Variants in AKAP6 observed in about 807,000 individuals in gnomAD.
The protein encoded by AKAP6 is A-kinase anchoring protein 6.
A neutral mutation model predicts 188.5 loss-of-function variants in AKAP6; 58 were observed. The observed-to-expected ratio is 0.31, with a 90% CI of 0.25 to 0.38. The LOEUF (loss-of-function observed/expected upper bound fraction) is 0.38, where lower values mean the gene tolerates loss of function less well. AKAP6 is among the 10% of genes least tolerant of loss of function. The pLI is 1.00. For missense variants in AKAP6, 2,710 were observed against 2,740.0 expected (o/e 0.99, Z 0.24); for synonymous variants, 989 against 998.6 (o/e 0.99, Z 0.18).
intron 9 of AKAP6, among the ~76,000 whole-genome samples, chr14:32,722,049 G>T (rs565810012): frequency 6.6e-6 from 1 of 152,164 alleles, no homozygotes; most frequent in South Asian, 2.1e-4. Flanking sequence ...GAGGTCAGAT[G>T]GAACAAATTA....
chr14:32,542,722 C>T (rs12886609), intron 3 of AKAP6, among the ~76,000 whole-genome samples: 13,856 of 152,162 alleles, frequency 0.091, 708 homozygotes, highest in Admixed American at 0.16. Flanking sequence ...ACTGTGGCCG[C>T]GTGTGGCCAG....
rs1182654243 is a variant in AKAP6 at position 32,481,169 on chromosome 14, A to G, written c.324+47352A>G. On this transcript the variant is annotated intron_variant, in intron 2 of 13. Transcript: ENST00000280979. Reference sequence around the variant, plus strand: ...ATATAAAGATCTACTTTATCTGTTCAGTATTGATTGATCTATAACCCGTGA... The same window carrying G: ...ATATAAAGATCTACTTTATCTGTTCGGTATTGATTGATCTATAACCCGTGA... Among the ~76,000 whole-genome samples, 3 of 152,312 alleles carry G rather than the reference A, an allele frequency of 2.0e-5. No homozygotes were observed. The East Asian group carries it at 5.8e-4, about 29-fold the overall frequency.
intron 4 of AKAP6, among the ~76,000 whole-genome samples, chr14:32,570,184 G>T (rs1047123002): frequency 1.2e-4 from 16 of 136,742 alleles, no homozygotes; most frequent in Non-Finnish European, 2.3e-4. Flanking sequence ...AAACCGGAGT[G>T]CAGTGGAGCA....
intron 11 of AKAP6, among the ~76,000 whole-genome samples, chr14:32,751,025 C>T (rs546482339): frequency 5.3e-5 from 8 of 152,128 alleles, no homozygotes; most frequent in South Asian, 2.1e-4. Flanking sequence ...TGAGCCACCG[C>T]ACCCAGCCTG....
At chr14:32,660,933 C>G (rs968158852) in intron 7 of AKAP6, among the ~76,000 whole-genome samples, 15 of 103,942 alleles carry the variant, frequency 1.4e-4, no homozygotes, top group African/African-American at 4.3e-4. Context: ...CACCCCCCCC[C>G]CTCCCAATTC....
intron 10 of AKAP6, 81 bp downstream of exon 10, chr14:32,732,681 A>C: frequency 7.5e-6 from 11 of 1,460,556 alleles, no homozygotes; most frequent in Non-Finnish European, 1.0e-5. Flanking sequence ...TTCTAATTTG[A>C]GGCACAAATA....
chr14:32,619,611 C>T (rs1381407784), intron 7 of AKAP6, among the ~76,000 whole-genome samples: 34 of 152,156 alleles, frequency 2.2e-4, no homozygotes, highest in Admixed American at 2.2e-3. Flanking sequence ...AATGTGATGT[C>T]TCCAGATTTG....
chr14:32,338,875 G>A (rs959810693), intron 1 of AKAP6, among the ~76,000 whole-genome samples: 1 of 152,086 alleles, frequency 6.6e-6, no homozygotes, highest in African/African-American at 2.4e-5. Flanking sequence ...AGTGGGGTAA[G>A]ATTATTACTC....
chr14:32,549,116 A>C (rs895863881), intron 4 of AKAP6, among the ~76,000 whole-genome samples: 2 of 152,240 alleles, frequency 1.3e-5, no homozygotes, highest in Non-Finnish European at 2.9e-5. Flanking sequence ...TCGTGTATCT[A>C]GTCCTCACAA....
chr14:32,342,793 A>C (rs1234007258), intron 1 of AKAP6, among the ~76,000 whole-genome samples: 5 of 152,156 alleles, frequency 3.3e-5, no homozygotes, highest in African/African-American at 1.2e-4. Context: ...TTTGAAATAA[A>C]ATTCTGTCTG....
At chr14:32,626,150 G>A (rs970796551) in intron 7 of AKAP6, among the ~76,000 whole-genome samples, 1 of 152,094 alleles carries the variant, frequency 6.6e-6, no homozygotes, top group African/African-American at 2.4e-5. Context: ...AGATAGGACT[G>A]CAGACTTACT....
chr14:32,743,977 A>AATC (rs1181070139), intron 11 of AKAP6, among the ~76,000 whole-genome samples: 3 of 152,172 alleles, frequency 2.0e-5, no homozygotes, highest in African/African-American at 7.2e-5. Flanking sequence ...GTGTTGATGA[A>AATC]ATCCCTCAGC....
intron 2 of AKAP6, among the ~76,000 whole-genome samples, chr14:32,487,568 C>G (rs1159175015): frequency 1.3e-5 from 2 of 152,226 alleles, no homozygotes; most frequent in Non-Finnish European, 2.9e-5. Context: ...CATTCTCTGT[C>G]CAGTTTTTTG....
At chr14:32,709,121 C>T (rs751211525) in intron 9 of AKAP6, among the ~76,000 whole-genome samples, 13 of 151,984 alleles carry the variant, frequency 8.6e-5, no homozygotes, top group East Asian at 3.9e-4. Context: ...AGGCTCCATC[C>T]GTCCAAGTTT....
rs147830566 is a variant in AKAP6, at chr14:32,516,060, T to C, written c.325-19494T>C. ...AACCCTGTGACCTACAGTAGTTACA[T>C]TGGAAAGAAAAACAAAAGAGTGCTT... On this transcript the variant is annotated intron_variant, in intron 2 of 13. Transcript: ENST00000280979. Among the ~76,000 whole-genome samples, 306 of 152,294 alleles carry C rather than the reference T, an allele frequency of 2.0e-3. 2 individuals are homozygous for C. The highest frequency in any genetic ancestry group is 7.0e-3 in the African/African-American group (289 of 41,576).
chr14:32,509,317 G>A (rs979669629), intron 2 of AKAP6, among the ~76,000 whole-genome samples: 2 of 151,604 alleles, frequency 1.3e-5, no homozygotes, highest in East Asian at 1.9e-4. Context: ...TAGTAGAGAC[G>A]GGGTTTCGCC....
At chr14:32,427,069 A>G (rs920968765) in intron 1 of AKAP6, among the ~76,000 whole-genome samples, 1 of 152,032 alleles carries the variant, frequency 6.6e-6, no homozygotes, top group South Asian at 2.1e-4. Flanking sequence ...GAGAGAGAGA[A>G]ACACCAGTGA....
chr14:32,580,850 A>G (rs986091266), intron 5 of AKAP6, among the ~76,000 whole-genome samples: 5 of 152,000 alleles, frequency 3.3e-5, no homozygotes, highest in Admixed American at 6.6e-5. Flanking sequence ...ATGATTTCCA[A>G]TTTCATCCAT....
chr14:32,548,037 G>A (rs1883274712), intron 4 of AKAP6, among the ~76,000 whole-genome samples: 2 of 150,744 alleles, frequency 1.3e-5, no homozygotes, highest in South Asian at 4.2e-4. Flanking sequence ...CAATGGCCAT[G>A]CTTGTCTACA....
Sources: gnomAD v4.1 joint callset for allele counts (sites outside exome capture counted in the v4.1 genomes callset) on GRCh38, gnomAD v4.1.1 for gene constraint, MANE v1.5 for transcripts, NCBI Gene and HGNC (gene_info 2026-07-23, HGNC 2026-07-21) for gene names.